KLRD1: variants seen among roughly 807,000 people sequenced by gnomAD.
The protein encoded by KLRD1 is killer cell lectin like receptor D1.
Under a neutral mutation model 22.6 loss-of-function variants are expected in KLRD1, and 21 were observed. The observed-to-expected ratio is 0.93, with a 90% CI of 0.66 to 1.34. The LOEUF is 1.34. Among genes scored for constraint, KLRD1 ranks in the 40% most tolerant of loss-of-function variants. The probability of loss-of-function intolerance (pLI) is 0.00; values close to 1 mark genes in which losing one functional copy is unlikely to be tolerated. For synonymous variants in KLRD1, 59 were observed against 71.1 expected (o/e 0.83, Z 0.85); for missense variants, 183 against 208.6 (o/e 0.88, Z 0.76).
intron 1 of KLRD1, among the ~76,000 whole-genome samples, chr12:10,248,425 G>T (rs1949312536): frequency 6.6e-6 from 1 of 151,978 alleles, no homozygotes; most frequent in African/African-American, 2.4e-5. Flanking sequence ...TTATGGTAAT[G>T]ATAAGTATGT....
upstream of KLRD1, chr12:10,304,333 T>C (rs1430976313): frequency 6.6e-6 from 1 of 152,254 alleles, no homozygotes; most frequent in African/African-American, 2.4e-5. Context: ...CTCCATTTTA[T>C]ACTCAGATGG....
intron 1 of KLRD1, among the ~76,000 whole-genome samples, chr12:10,287,050 C>T (rs548174258): frequency 6.6e-5 from 10 of 152,014 alleles, no homozygotes; most frequent in Non-Finnish European, 1.3e-4. Flanking sequence ...GCAGGAGAAT[C>T]GCTTGAACCC....
intron 1 of KLRD1, among the ~76,000 whole-genome samples, chr12:10,284,810 C>T (rs958429747): frequency 9.2e-5 from 14 of 152,104 alleles, no homozygotes; most frequent in South Asian, 6.2e-4. Flanking sequence ...GGAGAAATCC[C>T]GTCTCTACTA....
chr12:10,288,727 C>T (rs971418209), intron 1 of KLRD1, among the ~76,000 whole-genome samples: 1 of 152,038 alleles, frequency 6.6e-6, no homozygotes, highest in African/African-American at 2.4e-5. Flanking sequence ...CATTAAATAT[C>T]AATTATAGAC....
At chr12:10,252,032 A>G (rs1949351335) in intron 1 of KLRD1, among the ~76,000 whole-genome samples, 1 of 152,166 alleles carries the variant, frequency 6.6e-6, no homozygotes, top group African/African-American at 2.4e-5. Flanking sequence ...TTCTGGAGAG[A>G]CAACATACCA....
Position 10,329,426 on chromosome 12 carries a change from A to C in KLRD1, c.*14633A>C, listed in dbSNP as rs184377431. 6.6e-6 allele frequency: 1 copy of C among 152,154 alleles called. No individual in the cohort carries two copies. The highest frequency in any genetic ancestry group is 6.6e-5 in the Admixed American group (1 of 15,258). The allele number at this position is 152,154 out of a possible 1,614,324, so 9.4% of individuals were successfully genotyped here. A position where few individuals can be genotyped will look rare whatever the true frequency, so the allele number is the denominator to read the frequency against. On this transcript the variant is annotated 3_prime_UTR_variant, in exon 6 of 6. Transcript: ENST00000336164. Reference sequence around the variant, plus strand: ...GACTTCTTTTATGACCTAACATATGATCTATCCTGCAGAATGATCCATGTG... The same window carrying C: ...GACTTCTTTTATGACCTAACATATGCTCTATCCTGCAGAATGATCCATGTG...
chr12:10,313,379 G>T (rs1278793161), intron 4 of KLRD1, 31 bp from the exon 5 acceptor site: 1 of 1,268,536 alleles, frequency 7.9e-7, no homozygotes, highest in Non-Finnish European at 1.1e-6. Flanking sequence ...ATTAAAATTA[G>T]ATTAATGTGA....
chr12:10,251,457 G>T (rs1949345536), intron 1 of KLRD1, among the ~76,000 whole-genome samples: 1 of 152,018 alleles, frequency 6.6e-6, no homozygotes. Flanking sequence ...AACACAAAAA[G>T]GAATGGTCTG....
In KLRD1 at chr12:10,257,482, C is replaced by CTTTTTTTTT. The variant is rs56871156; in HGVS notation, c.-101+31262_-101+31270dup. ...TGGTTTACTTTCCAGGTAGCTGATTCTTTTTTTTTTTTTTTTTTTTTGTAG... is the reference window on the plus strand; with the variant it reads ...TGGTTTACTTTCCAGGTAGCTGATTCTTTTTTTTTTTTTTTTTTTTTTTTTTTTTTGTAG... On this transcript the variant is annotated intron_variant, in intron 1 of 5. Coordinates refer to the KLRD1 transcript ENST00000544747. Among the ~76,000 whole-genome samples the CTTTTTTTTT allele has an allele frequency of 1.7e-4, 17 of 97,388 alleles. 1 individual carries two copies. The highest frequency in any genetic ancestry group is 6.6e-4 in the African/African-American group (16 of 24,090). The allele number at this position is 97,388 out of a possible 152,430, so 63.9% of individuals were successfully genotyped here.
At chr12:10,259,457 T>C (rs1469941840) in intron 1 of KLRD1, among the ~76,000 whole-genome samples, 1 of 152,252 alleles carries the variant, frequency 6.6e-6, no homozygotes, top group Non-Finnish European at 1.5e-5. Context: ...TAGAGCTTTT[T>C]AGTTCTATTT....
intron 1 of KLRD1, among the ~76,000 whole-genome samples, chr12:10,284,139 T>C (rs1424330219): frequency 6.6e-6 from 1 of 151,836 alleles, no homozygotes; most frequent in Non-Finnish European, 1.5e-5. Context: ...TGAGCCCAGA[T>C]CGCACCAGTG....
At chr12:10,260,663 G>A (rs1949444460) in intron 1 of KLRD1, among the ~76,000 whole-genome samples, 1 of 151,766 alleles carries the variant, frequency 6.6e-6, no homozygotes, top group Non-Finnish European at 1.5e-5. Context: ...AAATTGGGCT[G>A]GGCGTGGTGG....
chr12:10,328,967 A>T lies in KLRD1; in HGVS notation c.*14174A>T, dbSNP rs1189372368. The T allele has an allele frequency of 6.6e-6, 1 of 152,148 alleles. No homozygotes were observed. The highest frequency in any genetic ancestry group is 1.9e-4 in the East Asian group (1 of 5,184). The allele number at this position is 152,148 out of a possible 1,614,324, so 9.4% of individuals were successfully genotyped here. A position where few individuals can be genotyped will look rare whatever the true frequency, so the allele number is the denominator to read the frequency against. On this transcript the variant is annotated 3_prime_UTR_variant, in exon 6 of 6. Coordinates refer to ENST00000336164, the MANE Select transcript of KLRD1 (RefSeq NM_002262.5). The stretch of plus-strand genomic sequence containing the variant: ...ATAAGACTGATTCACTACCATGAGA[A>T]CAGTATGGGGGAAACCACCCCCATG...
rs1950390399 is a variant in KLRD1, at chr12:10,329,363, G to C, written c.*14570G>C. ...GTTTCATTCCCTTGATGCTGTAAAA[G>C]ATACTTGATATGACTTCAATTTTCT... On this transcript the variant is annotated 3_prime_UTR_variant, in exon 6 of 6. Coordinates refer to ENST00000336164, the MANE Select transcript of KLRD1 (RefSeq NM_002262.5). The C allele has an allele frequency of 6.6e-6, 1 of 152,096 alleles. No individual in the cohort carries two copies. The highest frequency in any genetic ancestry group is 1.5e-5 in the Non-Finnish European group (1 of 67,998). 9.4% of individuals were successfully genotyped at this position (152,096 alleles called of 1,614,324 possible). A position where few individuals can be genotyped will look rare whatever the true frequency, so the allele number is the denominator to read the frequency against.
chr12:10,309,490 T>C lies in KLRD1; in HGVS notation c.100+10T>C. 7.2e-7 allele frequency: 1 copy of C among 1,385,846 alleles called. No individual in the cohort carries two copies. Among genetic ancestry groups the C allele is most frequent in the African/African-American group, 1.4e-5 (1 of 70,824 alleles). 85.8% of individuals were successfully genotyped at this position (1,385,846 alleles called of 1,614,324 possible). A position where few individuals can be genotyped will look rare whatever the true frequency, so the allele number is the denominator to read the frequency against. ...ATTTTGTTGAAAAATTGTAAGTTTT[T>C]CTAAGCAAGTCTCCATAAAAATCAA... On this transcript the variant is annotated intron_variant, in intron 2 of 5. Transcript: ENST00000336164.
At chr12:10,251,964 G>A (rs535726924) in intron 1 of KLRD1, among the ~76,000 whole-genome samples, 7 of 152,110 alleles carry the variant, frequency 4.6e-5, no homozygotes, top group Admixed American at 4.6e-4. Context: ...CCACAGTACC[G>A]GTCTGTGGCC....
At chr12:10,269,363 CTG>C (rs1949528850) in intron 1 of KLRD1, among the ~76,000 whole-genome samples, 1 of 152,036 alleles carries the variant, frequency 6.6e-6, no homozygotes, top group South Asian at 2.1e-4. Flanking sequence ...GTTGGCCAGA[CTG>C]GTCTCAAACT....
chr12:10,252,991 T>A (rs529056493), intron 1 of KLRD1, among the ~76,000 whole-genome samples: 8 of 152,054 alleles, frequency 5.3e-5, no homozygotes, highest in Non-Finnish European at 1.2e-4. Flanking sequence ...ATTTAACTTT[T>A]AATAAACAAA....
intron 1 of KLRD1, among the ~76,000 whole-genome samples, chr12:10,263,857 T>A (rs984122850): frequency 2.0e-5 from 3 of 152,076 alleles, no homozygotes; most frequent in African/African-American, 7.2e-5. Flanking sequence ...GAAGAAAATA[T>A]TGTCACTAGT....
Sources: gnomAD v4.1 joint callset for allele counts (sites outside exome capture counted in the v4.1 genomes callset) on GRCh38, gnomAD v4.1.1 for gene constraint, MANE v1.5 for transcripts, NCBI Gene and HGNC (gene_info 2026-07-23, HGNC 2026-07-21) for gene names.